Variants in PLEKHA3 observed in about 807,000 individuals in gnomAD.
PLEKHA3 encodes the protein pleckstrin homology domain containing A3.
Under a neutral mutation model 39.2 loss-of-function variants are expected in PLEKHA3, and 19 were observed. The ratio of observed to expected loss-of-function variants is 0.48; its 90% CI spans 0.34 to 0.71. The LOEUF is 0.71. PLEKHA3 is among the 30% of genes least tolerant of loss of function. The pLI is 0.01. For missense variants in PLEKHA3, 253 were observed against 359.5 expected (o/e 0.70, Z 2.40); for synonymous variants, 97 against 118.6 (o/e 0.82, Z 1.18).
chr2:178,495,343 C>T (rs1434146584), intron 4 of PLEKHA3, among the ~76,000 whole-genome samples, 153 bp from the exon 5 acceptor site: 1 of 151,544 alleles, frequency 6.6e-6, no homozygotes, highest in Non-Finnish European at 1.5e-5. Context: ...TTTTTTGCCC[C>T]AGCTTAATTT....
intron 3 of PLEKHA3, 100 bp from the exon 4 acceptor site, chr2:178,493,753 G>A (rs866135956): frequency 1.3e-4 from 136 of 1,015,254 alleles, no homozygotes; most frequent in Middle Eastern, 5.0e-4. Context: ...TTGAGCTATA[G>A]GTATTTATAT....
At chr2:178,497,070 G>A (rs1030317921) in intron 5 of PLEKHA3, among the ~76,000 whole-genome samples, 1 of 151,956 alleles carries the variant, frequency 6.6e-6, no homozygotes, top group Non-Finnish European at 1.5e-5. Context: ...ACAGGCATAA[G>A]CCACCATGCC....
chr2:178,508,461 A>G lies in PLEKHA3; in HGVS notation c.*4574A>G, dbSNP rs997087785. On this transcript the variant is annotated 3_prime_UTR_variant, in exon 8 of 8. Transcript: ENST00000234453. ...CTCCCCCACCATGTTTCTGCTTTCT[A>G]TTTATTTGTTTTGGGCTCTTTCATT... 4 of 150,024 alleles carry G rather than the reference A, an allele frequency of 2.7e-5. No homozygotes were observed. The highest frequency in any genetic ancestry group is 6.6e-5 in the Admixed American group (1 of 15,076). The allele number at this position is 150,024 out of a possible 1,614,324, so 9.3% of individuals were successfully genotyped here.
chr2:178,508,465 A>G lies in PLEKHA3; in HGVS notation c.*4578A>G, dbSNP rs1028539472. On this transcript the variant is annotated 3_prime_UTR_variant, in exon 8 of 8. Coordinates refer to ENST00000234453, the MANE Select transcript of PLEKHA3 (RefSeq NM_019091.4). ...CCCACCATGTTTCTGCTTTCTATTT[A>G]TTTGTTTTGGGCTCTTTCATTCTGA... The G allele has an allele frequency of 1.3e-5, 2 of 150,216 alleles. No individual in the cohort carries two copies. The highest frequency in any genetic ancestry group is 4.9e-5 in the African/African-American group (2 of 40,648). The allele number at this position is 150,216 out of a possible 1,614,324, so 9.3% of individuals were successfully genotyped here.
At chr2:178,487,988 C>T (rs1294800099) in intron 2 of PLEKHA3, among the ~76,000 whole-genome samples, 4 of 151,892 alleles carry the variant, frequency 2.6e-5, no homozygotes, top group Non-Finnish European at 5.9e-5. Context: ...TTTGAATGTC[C>T]TCTTGTCGGG....
Position 178,480,908 on chromosome 2 carries a change from A to G in PLEKHA3, c.39A>G (p.Thr13=), listed in dbSNP as rs766493222. 1 of 1,309,426 alleles carries G rather than the reference A, an allele frequency of 7.6e-7. No individual in the cohort carries two copies. The highest frequency in any genetic ancestry group is 9.8e-7 in the Non-Finnish European group (1 of 1,019,900). 81.1% of individuals were successfully genotyped at this position (1,309,426 alleles called of 1,614,324 possible). A position where few individuals can be genotyped will look rare whatever the true frequency, so the allele number is the denominator to read the frequency against. ...GVLYKWTNYL[T]GWQPRWFVLD... is the part of the protein sequence containing the mutation. ...TGTACAAGTGGACCAACTATCTCAC[A>G]GGTATGGGGGCTCGTGTGATGAGGG... The change falls in exon 1 of 8, where the codon ACA becomes ACG. Residue 13 remains threonine (T), a splice_region_variant and synonymous_variant. Transcript: ENST00000234453.
chr2:178,490,127 A>C (rs1575143386), intron 2 of PLEKHA3, among the ~76,000 whole-genome samples: 1 of 152,210 alleles, frequency 6.6e-6, no homozygotes, highest in East Asian at 1.9e-4. Context: ...AGAGGTAGAA[A>C]GAGGGGAAGA....
At chr2:178,485,053 T>A (rs1685227106) in intron 1 of PLEKHA3, among the ~76,000 whole-genome samples, 1 of 152,228 alleles carries the variant, frequency 6.6e-6, no homozygotes, top group African/African-American at 2.4e-5. Flanking sequence ...GCACTCATTG[T>A]GTTTAAGGGA....
In PLEKHA3 at chr2:178,501,279, T is replaced by G. The variant is rs371928195; in HGVS notation, c.775+103T>G. 27 of 792,770 alleles carry G rather than the reference T, an allele frequency of 3.4e-5. 1 individual carries two copies. The highest frequency in any genetic ancestry group is 1.5e-4 in the East Asian group (6 of 38,974). The allele number at this position is 792,770 out of a possible 1,614,324, so 49.1% of individuals were successfully genotyped here. A position where few individuals can be genotyped will look rare whatever the true frequency, so the allele number is the denominator to read the frequency against. ...AAGTATACTGACTGAACATTGTACT[T>G]TGTTTCTTTGATTCCTTAATTCAGA... On this transcript the variant is annotated intron_variant, in intron 7 of 7. Transcript: ENST00000234453.
In PLEKHA3 at chr2:178,508,066, TG is replaced by T. The variant is rs1685632085; in HGVS notation, c.*4180del. 6 of 153,014 alleles carry T rather than the reference TG, an allele frequency of 3.9e-5. No homozygotes were observed. Among genetic ancestry groups the T allele is most frequent in the Non-Finnish European group, 5.9e-5 (4 of 67,808 alleles). 9.5% of individuals were successfully genotyped at this position (153,014 alleles called of 1,614,324 possible). A position where few individuals can be genotyped will look rare whatever the true frequency, so the allele number is the denominator to read the frequency against. ...TCAGTTCTGGGTGTGTGTGTGTGTGTGTGTGTGTGTGTGTGTGTGTGTGATC... is the reference window on the plus strand; with the variant it reads ...TCAGTTCTGGGTGTGTGTGTGTGTGTTGTGTGTGTGTGTGTGTGTGTGATC... On this transcript the variant is annotated 3_prime_UTR_variant, in exon 8 of 8. Coordinates refer to ENST00000234453, the MANE Select transcript of PLEKHA3 (RefSeq NM_019091.4).
At chr2:178,496,469 G>C (rs1201797107) in intron 5 of PLEKHA3, among the ~76,000 whole-genome samples, 1 of 152,094 alleles carries the variant, frequency 6.6e-6, no homozygotes, top group African/African-American at 2.4e-5. Context: ...GGAGAATAGG[G>C]TCTAACTTCT....
intron 4 of PLEKHA3, among the ~76,000 whole-genome samples, chr2:178,494,540 A>T (rs1207824121): frequency 6.6e-6 from 1 of 152,126 alleles, no homozygotes; most frequent in African/African-American, 2.4e-5. Flanking sequence ...TTTTTGCCTA[A>T]CTTGGTAGAA....
chr2:178,489,985 G>A (rs550483775), intron 2 of PLEKHA3, among the ~76,000 whole-genome samples: 1 of 152,252 alleles, frequency 6.6e-6, no homozygotes, highest in African/African-American at 2.4e-5. Flanking sequence ...TCTGAGCTGA[G>A]TAAATATTTG....
rs1244681555 is a variant in PLEKHA3 at position 178,504,577 on chromosome 2, C to T, written c.*690C>T. ...ATGATTGCATTCTAACTTTTGTGAC[C>T]TACCAAATTTAAGATGTGTATACGT... On this transcript the variant is annotated 3_prime_UTR_variant, in exon 8 of 8. Coordinates refer to ENST00000234453, the MANE Select transcript of PLEKHA3 (RefSeq NM_019091.4). The T allele has an allele frequency of 2.0e-5, 3 of 152,196 alleles. No homozygotes were observed. The highest frequency in any genetic ancestry group is 2.9e-5 in the Non-Finnish European group (2 of 67,846). 9.4% of individuals were successfully genotyped at this position (152,196 alleles called of 1,614,324 possible).
intron 7 of PLEKHA3, chr2:178,502,592 TC>T: frequency 1.2e-5 from 2 of 163,754 alleles, no homozygotes. Flanking sequence ...AAGTGCGACA[TC>T]TTTTTTTTTT....
At chr2:178,502,794 A>T (rs1345627995) in intron 7 of PLEKHA3, among the ~76,000 whole-genome samples, 1 of 145,706 alleles carries the variant, frequency 6.9e-6, no homozygotes, top group African/African-American at 2.7e-5. Context: ...AACTAGTCTC[A>T]CACACACACA....
intron 1 of PLEKHA3, among the ~76,000 whole-genome samples, chr2:178,482,637 T>A (rs1040270588): frequency 1.2e-4 from 18 of 152,004 alleles, no homozygotes. Context: ...AAGCATGGTG[T>A]TGTGGAACCA....
rs563267494 is a variant in PLEKHA3 at position 178,495,550 on chromosome 2, A to G, written c.505A>G (p.Thr169Ala). Residue 169 changes from threonine (T) to alanine (A), a missense_variant, in exon 5 of 8, where the codon ACG (threonine) becomes GCG (alanine). By Grantham distance (58) the Thr-to-Ala change is moderately conservative (BLOSUM62 0). Coordinates refer to ENST00000234453, the MANE Select transcript of PLEKHA3 (RefSeq NM_019091.4). ...LSATCNTFIT[T>A]LEECVKIANA... ...TGCCACGTGTAACACATTCATCACAACGCTTGAGGAATGTGTGAAGATAGC... is the reference window on the plus strand; with the variant it reads ...TGCCACGTGTAACACATTCATCACAGCGCTTGAGGAATGTGTGAAGATAGC... The G allele has an allele frequency of 4.3e-6, 7 of 1,614,134 alleles. No homozygotes were observed. In the Admixed American group the frequency reaches 1.0e-4, roughly 23 times the overall value.
chr2:178,502,942 T>G (rs1426109492), intron 7 of PLEKHA3, among the ~76,000 whole-genome samples: 1 of 151,996 alleles, frequency 6.6e-6, no homozygotes, highest in East Asian at 1.9e-4. Context: ...TTCAATTAGC[T>G]GACAAAGCAA....
Sources: gnomAD v4.1 joint callset for allele counts (sites outside exome capture counted in the v4.1 genomes callset) on GRCh38, gnomAD v4.1.1 for gene constraint, MANE v1.5 for transcripts, NCBI Gene and HGNC (gene_info 2026-07-23, HGNC 2026-07-21) for gene names.